The following CARS2 variants were observed in gnomAD, a reference collection of about 807,000 sequenced individuals.
CARS2 encodes the protein probable cysteine--tRNA ligase, mitochondrial.
A neutral mutation model predicts 68.8 loss-of-function variants in CARS2; 52 were observed. That is an observed-to-expected ratio of 0.76 (90% CI 0.61 to 0.95). CARS2 has a LOEUF of 0.95. CARS2 is among the 40% of genes least tolerant of loss of function. The probability of loss-of-function intolerance (pLI) is 0.00; values close to 1 mark genes in which losing one functional copy is unlikely to be tolerated. For synonymous variants in CARS2, 314 were observed against 303.6 expected (o/e 1.03, Z -0.36); for missense variants, 780 against 754.2 (o/e 1.03, Z -0.40).
At chr13:110,702,918 C>A (rs767843217) in intron 2 of CARS2, among the ~76,000 whole-genome samples, 14 of 152,166 alleles carry the variant, frequency 9.2e-5, no homozygotes, top group Admixed American at 4.6e-4. Flanking sequence ...TGAGTGTGCT[C>A]ATCTGGGTGA....
intron 6 of CARS2, among the ~76,000 whole-genome samples, chr13:110,681,730 C>T (rs1325926096): frequency 1.3e-5 from 2 of 152,114 alleles, no homozygotes; most frequent in Non-Finnish European, 2.9e-5. Flanking sequence ...GACACTGGGA[C>T]GTGACTCAGT....
chr13:110,701,339 C>T, intron 3 of CARS2, 99 bp downstream of exon 3: 1 of 674,848 alleles, frequency 1.5e-6, no homozygotes, highest in Non-Finnish European at 2.7e-6. Context: ...GCTGGGATTA[C>T]AGGCGTAAGC....
rs188715130 is a variant in CARS2 at position 110,667,126 on chromosome 13, C to T, written c.919+214G>A. Among the ~76,000 whole-genome samples the T allele has an allele frequency of 7.2e-5, 11 of 152,320 alleles. No individual in the cohort carries two copies. In the East Asian group the frequency reaches 2.1e-3, roughly 29 times the overall value. On this transcript the variant is annotated intron_variant, in intron 8 of 14. Transcript: ENST00000257347. ...TAGAACAGCATTGCCAAACATTTTC[C>T]ATATTCTAGTCAGTTCCAAAAAGGT...
intron 13 of CARS2, chr13:110,643,072 CAG>C (rs1025097304): frequency 3.4e-6 from 1 of 294,672 alleles, no homozygotes; most frequent in Non-Finnish European, 6.7e-6. Context: ...AAATAAGAAA[CAG>C]ACACAACATT....
At chr13:110,674,585 G>C (rs2062892853) in intron 7 of CARS2, among the ~76,000 whole-genome samples, 1 of 152,070 alleles carries the variant, frequency 6.6e-6, no homozygotes, top group South Asian at 2.1e-4. Flanking sequence ...TGAAATGTTA[G>C]ACCTAAAACC....
In CARS2 at chr13:110,706,021, C is replaced by T. The variant is rs1390223276; in HGVS notation, c.73G>A (p.Gly25Arg). The T allele has an allele frequency of 3.5e-6, 5 of 1,435,876 alleles. No homozygotes were observed. Among genetic ancestry groups the T allele is most frequent in the Admixed American group, 2.7e-5 (1 of 36,562 alleles). 88.9% of individuals were successfully genotyped at this position (1,435,876 alleles called of 1,614,324 possible). A position where few individuals can be genotyped will look rare whatever the true frequency, so the allele number is the denominator to read the frequency against. ...GCCCGGCCCGCAGGCCAGTGCCACC[C>T]AGCCCGCCCAAGGCCCAGCGCGGCC... Reference protein sequence around the residue: ...LQAALGLGRAGWHWPAGRAAS... With the variant: ...LQAALGLGRARWHWPAGRAAS... Residue 25 changes from glycine (G) to arginine (R), a missense_variant, in exon 1 of 15, where the codon GGG (glycine) becomes AGG (arginine). Coordinates refer to ENST00000257347, the MANE Select transcript of CARS2 (RefSeq NM_024537.4).
At chr13:110,699,649 G>A (rs1404615184) in intron 3 of CARS2, among the ~76,000 whole-genome samples, 1 of 152,256 alleles carries the variant, frequency 6.6e-6, no homozygotes, top group African/African-American at 2.4e-5. Context: ...AAAATGTCCA[G>A]AGAGAATGGT....
intron 9 of CARS2, among the ~76,000 whole-genome samples, chr13:110,657,821 A>G (rs889035864): frequency 1.3e-5 from 2 of 152,216 alleles, no homozygotes; most frequent in African/African-American, 4.8e-5. Flanking sequence ...TCTGCAGTAG[A>G]GGGATCTGGT....
rs549278103 is a variant in CARS2 at position 110,659,205 on chromosome 13, C to G, written c.987+4246G>C. ...CACAGATAAAGCCCCTGAAGGGTAC[C>G]ACAGCCTGCCAGCCCTGAATATGCC... is the stretch of plus-strand genomic sequence containing the variant. On this transcript the variant is annotated intron_variant, in intron 9 of 14. Coordinates refer to ENST00000257347, the MANE Select transcript of CARS2 (RefSeq NM_024537.4). Among the ~76,000 whole-genome samples, 3 of 152,162 alleles carry G rather than the reference C, an allele frequency of 2.0e-5. No individual in the cohort carries two copies. In the East Asian group the frequency reaches 5.8e-4, roughly 29 times the overall value.
chr13:110,702,146 A>G (rs895728201), intron 2 of CARS2, among the ~76,000 whole-genome samples: 1 of 152,248 alleles, frequency 6.6e-6, no homozygotes, highest in African/African-American at 2.4e-5. Context: ...AAGTTACCTT[A>G]AAACTCAAGG....
At chr13:110,681,777 C>T (rs560080598) in intron 6 of CARS2, among the ~76,000 whole-genome samples, 5 of 152,260 alleles carry the variant, frequency 3.3e-5, no homozygotes, top group African/African-American at 9.6e-5. Flanking sequence ...TGAAAAGACA[C>T]GGAGGAAAAT....
chr13:110,713,193 G>C (rs1402989960), exon 1 of CARS2: 2 of 1,425,228 alleles, frequency 1.4e-6, no homozygotes, highest in Non-Finnish European at 1.8e-6. Flanking sequence ...TTGGCAAGTA[G>C]ATTGGCTACT....
intron 7 of CARS2, among the ~76,000 whole-genome samples, chr13:110,671,370 C>A (rs1022669430): frequency 5.9e-5 from 9 of 152,190 alleles, no homozygotes; most frequent in Admixed American, 1.3e-4. Flanking sequence ...GATCTCCTGG[C>A]AGAACCTCTA....
intron 13 of CARS2, chr13:110,643,428 T>C (rs1467192355): frequency 1.3e-5 from 2 of 154,008 alleles, no homozygotes; most frequent in Non-Finnish European, 2.9e-5. Flanking sequence ...TCAACAGGTA[T>C]ACAAATGAGC....
intron 9 of CARS2, among the ~76,000 whole-genome samples, chr13:110,654,002 G>A (rs1056925542): frequency 4.6e-5 from 7 of 152,214 alleles, no homozygotes; most frequent in Admixed American, 6.5e-5. Flanking sequence ...CTCTCCAGGA[G>A]GTAAGCAATC....
chr13:110,698,534 T>G (rs1426338579), intron 3 of CARS2, among the ~76,000 whole-genome samples: 1 of 149,358 alleles, frequency 6.7e-6, no homozygotes, highest in African/African-American at 2.5e-5. Flanking sequence ...AAAAAAAAAA[T>G]CCAGCAAGTT....
Position 110,668,735 on chromosome 13 carries a change from C to CT in CARS2, c.786-1263_786-1262insA, listed in dbSNP as rs891071418. ...AGCCAACACAACGACGTGAAAGTTT[C>CT]ACAAGCTGAACTATGGGGCCACAAC... On this transcript the variant is annotated intron_variant, in intron 7 of 14. Coordinates refer to ENST00000257347, the MANE Select transcript of CARS2 (RefSeq NM_024537.4). The surrounding 1 kb of genome is among the most constrained non-coding windows in gnomAD (Gnocchi z 4.1). Among the ~76,000 whole-genome samples, 6 of 152,154 alleles carry CT rather than the reference C, an allele frequency of 3.9e-5. No individual in the cohort carries two copies. Among genetic ancestry groups the CT allele is most frequent in the African/African-American group, 1.4e-4 (6 of 41,442 alleles).
chr13:110,650,318 G>C (rs1446457336), intron 10 of CARS2: 1 of 152,026 alleles, frequency 6.6e-6, no homozygotes, highest in Non-Finnish European at 1.5e-5. Flanking sequence ...AACTGGTCTC[G>C]AACTCCTGAC....
chr13:110,651,762 A>C (rs1199754492), intron 9 of CARS2, among the ~76,000 whole-genome samples: 9 of 152,250 alleles, frequency 5.9e-5, no homozygotes, highest in African/African-American at 2.2e-4. Flanking sequence ...GGAGCTTTCT[A>C]CATGAGGAAG....
Sources: gnomAD v4.1 joint callset for allele counts (sites outside exome capture counted in the v4.1 genomes callset) on GRCh38, gnomAD v4.1.1 for gene constraint, Gnocchi (gnomAD v3.1) non-coding constraint, MANE v1.5 for transcripts, NCBI Gene and HGNC (gene_info 2026-07-23, HGNC 2026-07-21) for gene names.